Variants in TOX observed in about 807,000 individuals in gnomAD.
TOX encodes thymocyte selection associated high mobility group box, also known as thymocyte selection-associated high mobility group box protein TOX.
A neutral mutation model predicts 53.7 loss-of-function variants in TOX; 11 were observed. The observed-to-expected ratio is 0.20, with a 90% CI of 0.13 to 0.34. The LOEUF is 0.34. Ranked by LOEUF, TOX falls within the 10% of genes least tolerant of loss-of-function variation. The probability of loss-of-function intolerance (pLI) is 1.00; values close to 1 mark genes in which losing one functional copy is unlikely to be tolerated. For synonymous variants in TOX, 225 were observed against 245.3 expected (o/e 0.92, Z 0.77); for missense variants, 570 against 664.6 (o/e 0.86, Z 1.56).
intron 1 of TOX, among the ~76,000 whole-genome samples, chr8:59,031,540 G>A (rs1041314428): frequency 1.3e-5 from 2 of 152,214 alleles, no homozygotes; most frequent in African/African-American, 2.4e-5. Flanking sequence ...TTAAATTCTA[G>A]TGGGGAGAGG....
intron 1 of TOX, among the ~76,000 whole-genome samples, chr8:58,962,435 T>C (rs1185716280): frequency 6.6e-6 from 1 of 152,140 alleles, no homozygotes; most frequent in Non-Finnish European, 1.5e-5. Flanking sequence ...CGAAAGAAGA[T>C]ACAAAGGCAC....
At chr8:58,998,533 A>G (rs58197052) in intron 1 of TOX, among the ~76,000 whole-genome samples, 18 of 41,224 alleles carry the variant, frequency 4.4e-4, no homozygotes, top group East Asian at 3.3e-3. Context: ...ATATATATAT[A>G]TATATAAATT....
intron 2 of TOX, among the ~76,000 whole-genome samples, chr8:58,950,451 C>T (rs1342895141): frequency 2.6e-5 from 4 of 152,110 alleles, no homozygotes; most frequent in Non-Finnish European, 5.9e-5. Flanking sequence ...AAAGAAGCTC[C>T]CATTTCTACT....
intron 2 of TOX, among the ~76,000 whole-genome samples, chr8:58,957,476 G>T (rs143452316): frequency 7.2e-4 from 110 of 152,326 alleles, no homozygotes; most frequent in African/African-American, 2.5e-3. Flanking sequence ...GGTAGAGAAT[G>T]CATGCAGTAG....
intron 4 of TOX, among the ~76,000 whole-genome samples, chr8:58,842,902 T>A (rs1215374303): frequency 6.6e-6 from 1 of 152,252 alleles, no homozygotes; most frequent in Non-Finnish European, 1.5e-5. Context: ...GAGGGCTAGC[T>A]GGATGCAATG....
chr8:58,955,630 C>T (rs2129178036), intron 2 of TOX, among the ~76,000 whole-genome samples: 1 of 152,010 alleles, frequency 6.6e-6, no homozygotes, highest in East Asian at 1.9e-4. Flanking sequence ...TCTTTTCATA[C>T]AGTACTTCAA....
At chr8:58,915,652 C>A (rs1157456915) in intron 3 of TOX, among the ~76,000 whole-genome samples, 2 of 148,548 alleles carry the variant, frequency 1.3e-5, no homozygotes, top group African/African-American at 5.0e-5. Flanking sequence ...CGCCTCTCCT[C>A]CTCCAAAGGA....
chr8:58,966,873 CTTTTTTT>C, intron 1 of TOX, among the ~76,000 whole-genome samples: 1 of 123,674 alleles, frequency 8.1e-6, no homozygotes, highest in Admixed American at 8.2e-5. Flanking sequence ...TCAAGTTATT[CTTTTTTT>C]TTTTTTTTTT....
At chr8:58,911,891 G>A (rs774113659) in intron 3 of TOX, among the ~76,000 whole-genome samples, 2 of 152,040 alleles carry the variant, frequency 1.3e-5, no homozygotes, top group Non-Finnish European at 1.5e-5. Flanking sequence ...TAGTGGAGAC[G>A]GGGTTTCTCC....
At chr8:58,848,410 T>C (rs1294815682) in intron 4 of TOX, among the ~76,000 whole-genome samples, 2 of 152,064 alleles carry the variant, frequency 1.3e-5, no homozygotes, top group African/African-American at 2.4e-5. Flanking sequence ...GTAAATGCAG[T>C]AAAGATTTCA....
chr8:59,035,628 T>C (rs1039464836), intron 1 of TOX, among the ~76,000 whole-genome samples: 1 of 152,128 alleles, frequency 6.6e-6, no homozygotes, highest in Admixed American at 6.6e-5. Context: ...AACCACTCAA[T>C]TTTTTTTATC....
At chr8:59,102,487 C>G (rs1238378181) in intron 1 of TOX, among the ~76,000 whole-genome samples, 1 of 152,094 alleles carries the variant, frequency 6.6e-6, no homozygotes, top group Admixed American at 6.5e-5. Context: ...CTCGGCCTCC[C>G]AAAAATACCA....
intron 1 of TOX, among the ~76,000 whole-genome samples, chr8:59,030,995 T>C (rs1312375544): frequency 6.6e-6 from 1 of 152,170 alleles, no homozygotes; most frequent in African/African-American, 2.4e-5. Context: ...TCAATACAAT[T>C]ATCAACTAAG....
chr8:58,926,037 C>G (rs1812153851), intron 3 of TOX, among the ~76,000 whole-genome samples: 1 of 152,188 alleles, frequency 6.6e-6, no homozygotes, highest in South Asian at 2.1e-4. Flanking sequence ...TTTATGCAGT[C>G]AGTTGAGTGC....
At chr8:58,837,955 G>T in intron 5 of TOX, 126 bp downstream of exon 5, 1 of 800,860 alleles carries the variant, frequency 1.2e-6, no homozygotes, top group Non-Finnish European at 2.0e-6. Flanking sequence ...GTCTGGTTCG[G>T]ATGGGGACAC....
intron 5 of TOX, among the ~76,000 whole-genome samples, chr8:58,835,353 C>T (rs1471799869): frequency 6.6e-6 from 1 of 152,080 alleles, no homozygotes; most frequent in Non-Finnish European, 1.5e-5. Context: ...TAATTATATC[C>T]ACATTAGGGA....
chr8:59,050,607 G>A (rs1397587858), intron 1 of TOX, among the ~76,000 whole-genome samples: 1 of 152,040 alleles, frequency 6.6e-6, no homozygotes, highest in African/African-American at 2.4e-5. Context: ...AGGAGGAAAA[G>A]TCCATACTTT....
chr8:58,815,832 A>C (rs1810167176), intron 6 of TOX, 108 bp from the exon 7 acceptor site: 1 of 1,255,974 alleles, frequency 8.0e-7, no homozygotes, highest in Non-Finnish European at 1.1e-6. Context: ...ATCCATACCC[A>C]TGACTATCCC....
intron 1 of TOX, among the ~76,000 whole-genome samples, chr8:59,045,115 T>C (rs189539081): frequency 6.6e-6 from 1 of 152,348 alleles, no homozygotes; most frequent in Admixed American, 6.5e-5. Flanking sequence ...AATTAGACTT[T>C]TTCTTCCTAG....
Sources: allele counts gnomAD v4.1 joint callset (sites outside exome capture counted in the v4.1 genomes callset), GRCh38; gene constraint gnomAD v4.1.1; transcripts MANE v1.5; gene names NCBI Gene and HGNC (gene_info 2026-07-23, HGNC 2026-07-21).